The following SGIP1 variants were observed in gnomAD, a reference collection of about 807,000 sequenced individuals.
SGIP1 encodes SH3-containing GRB2-like protein 3-interacting protein 1.
SGIP1 carries 38 observed loss-of-function variants against 107.5 expected under a neutral mutation model. That is an observed-to-expected ratio of 0.35 (90% CI 0.27 to 0.46). The LOEUF is 0.46. SGIP1 is among the 20% of genes least tolerant of loss of function. SGIP1 has a pLI of 1.00. For missense variants in SGIP1, 929 were observed against 1,019.5 expected (o/e 0.91, Z 1.21); for synonymous variants, 365 against 366.1 (o/e 1.00, Z 0.03).
chr1:66,613,123 G>T (rs1046479785), intron 1 of SGIP1, among the ~76,000 whole-genome samples: 1 of 152,118 alleles, frequency 6.6e-6, no homozygotes, highest in Non-Finnish European at 1.5e-5. Flanking sequence ...GTCTTTTGGT[G>T]TTGTAGAAAA....
chr1:66,647,693 ATAAATAC>A (rs2077894288), intron 7 of SGIP1, among the ~76,000 whole-genome samples: 1 of 152,238 alleles, frequency 6.6e-6, no homozygotes, highest in Admixed American at 6.5e-5. Context: ...TCACTAATTT[ATAAATAC>A]TAGTGATACC....
chr1:66,701,737 C>G (rs983001211), intron 18 of SGIP1, among the ~76,000 whole-genome samples: 1 of 152,150 alleles, frequency 6.6e-6, no homozygotes, highest in African/African-American at 2.4e-5. Flanking sequence ...TGGTTTCCTG[C>G]TCTTTGAGAC....
chr1:66,694,904 C>G (rs2090570239), intron 17 of SGIP1: 1 of 223,810 alleles, frequency 4.5e-6, no homozygotes, highest in Admixed American at 5.5e-5. Flanking sequence ...TGTCTGGATG[C>G]CTAAGGTGAT....
intron 18 of SGIP1, among the ~76,000 whole-genome samples, chr1:66,703,229 G>A (rs1223381792): frequency 1.3e-5 from 2 of 152,108 alleles, no homozygotes; most frequent in Non-Finnish European, 2.9e-5. Flanking sequence ...AGAAATAGAA[G>A]AATAGAAGAA....
intron 19 of SGIP1, among the ~76,000 whole-genome samples, chr1:66,720,236 T>C (rs1261492210): frequency 2.6e-5 from 4 of 151,762 alleles, no homozygotes; most frequent in Non-Finnish European, 5.9e-5. Flanking sequence ...AGATTTGTAA[T>C]CCAAAAAAAG....
At position 66,750,623 on chromosome 1, in the gene SGIP1, T is replaced by G. The variant is rs1254247937; in HGVS notation, c.*7528T>G. Among the ~76,000 whole-genome samples the G allele has an allele frequency of 2.6e-5, 4 of 152,330 alleles. No individual in the cohort carries two copies. Among genetic ancestry groups the G allele is most frequent in the Middle Eastern group, 3.4e-3 (1 of 294 alleles). ...AAAATACTCAAGATACTTTCAAAAT[T>G]TAGTCAAAATGTTGATTCCCAGCCT... On this transcript the variant is annotated 3_prime_UTR_variant, in exon 25 of 25. Transcript: ENST00000371037.
intron 1 of SGIP1, among the ~76,000 whole-genome samples, chr1:66,601,377 G>T (rs549995245): frequency 6.6e-6 from 1 of 151,918 alleles, no homozygotes; most frequent in Non-Finnish European, 1.5e-5. Flanking sequence ...ACACAAACAA[G>T]CAAACAAACA....
chr1:66,630,904 A>AAAGAAAGAAAGAAAAGAAGGG lies in SGIP1; in HGVS notation c.75-2165_75-2164insAGAAAGAAAGAAAAGAAGGGA, dbSNP rs1553268299. 2.2e-4 allele frequency among the ~76,000 whole-genome samples: 2 copies of AAAGAAAGAAAGAAAAGAAGGG among 9,288 alleles called. 1 individual carries two copies. The highest frequency in any genetic ancestry group is 3.4e-4 in the Non-Finnish European group (2 of 5,918). 6.1% of individuals were successfully genotyped at this position (9,288 alleles called of 152,430 possible). On this transcript the variant is annotated intron_variant, in intron 2 of 24. Transcript: ENST00000371037. ...GAAAGAAAGAAAGAAAGAAAGAAAG[A>AAAGAAAGAAAGAAAAGAAGGG]AGGGAGGGAGGGAGGGAGGAAGGAA...
chr1:66,660,457 A>C, intron 7 of SGIP1, 56 bp from the exon 8 acceptor site: 1 of 1,517,904 alleles, frequency 6.6e-7, no homozygotes, highest in Non-Finnish European at 9.2e-7. Flanking sequence ...TCTTGAAAAT[A>C]CATTTCACCT....
chr1:66,578,022 G>T (rs1026242452), intron 1 of SGIP1, among the ~76,000 whole-genome samples: 1 of 152,074 alleles, frequency 6.6e-6, no homozygotes, highest in African/African-American at 2.4e-5. Context: ...ATGTTATTTA[G>T]AAGTTGGTGT....
intron 18 of SGIP1, among the ~76,000 whole-genome samples, chr1:66,715,862 T>G (rs2093208864): frequency 6.6e-6 from 1 of 152,184 alleles, no homozygotes; most frequent in Non-Finnish European, 1.5e-5. Flanking sequence ...ATATTTTTCT[T>G]ATAAGTTCCA....
At chr1:66,534,591 T>G (rs1247379581) in intron 1 of SGIP1, among the ~76,000 whole-genome samples, 1 of 152,180 alleles carries the variant, frequency 6.6e-6, no homozygotes, top group African/African-American at 2.4e-5. Context: ...TCCCAGCTCC[T>G]TTGAGAGAGA....
chr1:66,649,032 T>TA (rs1254816864), intron 7 of SGIP1, among the ~76,000 whole-genome samples: 4 of 152,296 alleles, frequency 2.6e-5, no homozygotes, highest in South Asian at 2.1e-4. Flanking sequence ...TAGATTCTTT[T>TA]AAAAAAACCA....
At chr1:66,535,404 C>T (rs1557803248) in intron 1 of SGIP1, among the ~76,000 whole-genome samples, 1 of 152,222 alleles carries the variant, frequency 6.6e-6, no homozygotes, top group African/African-American at 2.4e-5. Context: ...GAGGCCACCT[C>T]TTAAGCCAAG....
At position 66,623,284 on chromosome 1, in the gene SGIP1, C is replaced by G. The variant is rs146485406; in HGVS notation, c.11-2563C>G. ...TTTTTTTTGGAGATGAAGTCTCACT[C>G]TGTCACCCAGGCTGGAGTGCAATGG... On this transcript the variant is annotated intron_variant, in intron 1 of 24. Coordinates refer to ENST00000371037, the MANE Select transcript of SGIP1 (RefSeq NM_032291.4). Among the ~76,000 whole-genome samples the G allele has an allele frequency of 4.2e-3, 635 of 152,038 alleles. 4 individuals carry two copies. The highest frequency in any genetic ancestry group is 0.015 in the African/African-American group (604 of 41,484).
intron 1 of SGIP1, among the ~76,000 whole-genome samples, chr1:66,536,407 C>T (rs112268128): frequency 7.2e-4 from 110 of 152,240 alleles, no homozygotes; most frequent in Admixed American, 6.7e-3. Context: ...CTTAATAGTT[C>T]GGTGACCTTA....
chr1:66,587,457 C>T (rs1357077706), intron 1 of SGIP1, among the ~76,000 whole-genome samples: 1 of 151,950 alleles, frequency 6.6e-6, no homozygotes, highest in East Asian at 1.9e-4. Context: ...GTTATTGAGC[C>T]ATCCACTGAG....
intron 1 of SGIP1, among the ~76,000 whole-genome samples, chr1:66,538,783 T>A (rs2054205606): frequency 6.6e-6 from 1 of 152,206 alleles, no homozygotes; most frequent in South Asian, 2.1e-4. Context: ...AAGAACAGTA[T>A]GGTTCCCATA....
chr1:66,577,305 T>C (rs911683046), intron 1 of SGIP1, among the ~76,000 whole-genome samples: 2 of 152,186 alleles, frequency 1.3e-5, no homozygotes, highest in African/African-American at 4.8e-5. Context: ...GTCTCCTTGA[T>C]TAATCTGGTC....
Sources: gnomAD v4.1 joint callset for allele counts (sites outside exome capture counted in the v4.1 genomes callset) on GRCh38, gnomAD v4.1.1 for gene constraint, MANE v1.5 for transcripts, NCBI Gene and HGNC (gene_info 2026-07-23, HGNC 2026-07-21) for gene names.